Variants in SETD7 observed in about 807,000 individuals in gnomAD.
SETD7 encodes the protein SET domain containing 7, histone lysine methyltransferase.
Under a neutral mutation model 41.8 loss-of-function variants are expected in SETD7, and 16 were observed. That is an observed-to-expected ratio of 0.38 (90% CI 0.26 to 0.58). The LOEUF is 0.58. SETD7 is among the 20% of genes least tolerant of loss of function. The pLI is 0.64. For synonymous variants in SETD7, 163 were observed against 169.7 expected (o/e 0.96, Z 0.31); for missense variants, 346 against 459.7 (o/e 0.75, Z 2.26).
intron 2 of SETD7, among the ~76,000 whole-genome samples, chr4:139,537,266 C>A (rs1448728824): frequency 6.6e-6 from 1 of 152,138 alleles, no homozygotes; most frequent in Admixed American, 6.5e-5. Flanking sequence ...TGAGCCACCG[C>A]GCCTGGCTGC....
At chr4:139,533,965 CTATG>C (rs151148025) in intron 2 of SETD7, among the ~76,000 whole-genome samples, 2,708 of 148,518 alleles carry the variant, frequency 0.018, 87 homozygotes, top group African/African-American at 0.066. Flanking sequence ...ATCTATATAT[CTATG>C]TATGTATGTA....
chr4:139,533,309 G>GT lies in SETD7; in HGVS notation c.227dup (p.Tyr76Ter). Residue 76 changes from tyrosine (Y) to a stop codon, truncating the protein, a stop_gained and frameshift_variant, in exon 3 of 8, where the codon TAC becomes TAAC. Transcript: ENST00000274031. LOFTEE classifies it high-confidence loss of function. ...TGCCCTGGAGAACTCCCCCATCTTC[G>GT]TAAGTGTAAACTCCCTGGCCCTGCA... ...DALQGQGVYT[Y>*]EDGGVLQGTY... The GT allele has an allele frequency of 6.2e-7, 1 of 1,614,080 alleles. No homozygotes were observed. The highest frequency in any genetic ancestry group is 8.5e-7 in the Non-Finnish European group (1 of 1,180,010).
chr4:139,523,776 T>C (rs1727244179), intron 4 of SETD7, among the ~76,000 whole-genome samples: 1 of 152,200 alleles, frequency 6.6e-6, no homozygotes, highest in South Asian at 2.1e-4. Flanking sequence ...TGGATGATGG[T>C]TTTAAATTTT....
chr4:139,517,171 T>C (rs1266021875), intron 7 of SETD7, among the ~76,000 whole-genome samples: 3 of 152,142 alleles, frequency 2.0e-5, no homozygotes, highest in Non-Finnish European at 4.4e-5. Flanking sequence ...CCTTCTTTCT[T>C]TCACATCATA....
chr4:139,537,362 T>C (rs767553097), intron 2 of SETD7, among the ~76,000 whole-genome samples: 3 of 152,346 alleles, frequency 2.0e-5, no homozygotes, highest in Non-Finnish European at 2.9e-5. Flanking sequence ...AGTGGGTACA[T>C]AGAAATAGCC....
chr4:139,520,972 T>C (rs964550854), intron 5 of SETD7, among the ~76,000 whole-genome samples: 4 of 152,246 alleles, frequency 2.6e-5, no homozygotes, highest in Admixed American at 1.3e-4. Context: ...TAAAGTTTTA[T>C]TGGGACACAG....
chr4:139,513,916 C>G (rs936819915), intron 7 of SETD7, among the ~76,000 whole-genome samples: 21 of 152,240 alleles, frequency 1.4e-4, no homozygotes, highest in African/African-American at 5.1e-4. Flanking sequence ...AGCCTGTACT[C>G]CACCACAAAG....
downstream of SETD7, among the ~76,000 whole-genome samples, chr4:139,504,309 C>T (rs1726652393): frequency 6.6e-6 from 1 of 152,118 alleles, no homozygotes; most frequent in African/African-American, 2.4e-5. Context: ...TGTAAATAAA[C>T]AAAACTTAAG....
downstream of SETD7, among the ~76,000 whole-genome samples, chr4:139,501,862 C>T (rs542502317): frequency 2.6e-5 from 4 of 152,274 alleles, no homozygotes; most frequent in Admixed American, 2.0e-4. Flanking sequence ...AAGAGTCAGG[C>T]CAGGCTTCCT....
rs753430590 is a variant in SETD7, at chr4:139,511,737, C to T, written c.1027G>A (p.Gly343Arg). The T allele has an allele frequency of 1.1e-5, 18 of 1,613,844 alleles. No homozygotes were observed. Among genetic ancestry groups the T allele is most frequent in the South Asian group, 3.3e-5 (3 of 91,066 alleles). Residue 343 changes from glycine to arginine, a missense_variant, in exon 8 of 8, where the codon GGG becomes AGG. By Grantham distance (125) the Gly-to-Arg change is moderately radical (BLOSUM62 -2). Transcript: ENST00000274031. ...VAYGYDHSPP[G>R]KSGPEAPEWY... ...TCAGGGGCTTCAGGCCCACTCTTCC[C>T]GGGGGGGCTGTGGTCATAGCCATAG...
downstream of SETD7, among the ~76,000 whole-genome samples, chr4:139,493,150 C>T (rs1310807839): frequency 1.3e-5 from 2 of 152,288 alleles, no homozygotes; most frequent in East Asian, 3.9e-4. Context: ...CACAAAATAA[C>T]TGTGGATTAG....
At chr4:139,503,322 G>A (rs146571812), downstream of SETD7, among the ~76,000 whole-genome samples, 5 of 152,084 alleles carry the variant, frequency 3.3e-5, no homozygotes, top group African/African-American at 1.2e-4. Flanking sequence ...CTAAAGGTTG[G>A]CCTTAACCCC....
In SETD7 at chr4:139,533,150, A is replaced by C; in HGVS notation, c.372+15T>G. 1 of 1,602,296 alleles carries C rather than the reference A, an allele frequency of 6.2e-7. No individual in the cohort carries two copies. Among genetic ancestry groups the C allele is most frequent in the Non-Finnish European group, 8.6e-7 (1 of 1,169,212 alleles). On this transcript the variant is annotated intron_variant, in intron 3 of 7. Transcript: ENST00000274031. Reference sequence around the variant, plus strand: ...TATGTTACTTTCCAGCAGAGTGAACAGTCACACGGCTTACTGGGTAATATA... The same window carrying C: ...TATGTTACTTTCCAGCAGAGTGAACCGTCACACGGCTTACTGGGTAATATA...
chr4:139,511,457 G>A lies in SETD7; in HGVS notation c.*206C>T, dbSNP rs1726872811. ...AATGCTCGACAATACCTCTCAGTAG[G>A]ACGTTGTTGCAAGGCTAGCTAATTT... is the stretch of plus-strand genomic sequence containing the variant. On this transcript the variant is annotated 3_prime_UTR_variant, in exon 8 of 8. Coordinates refer to ENST00000274031, the MANE Select transcript of SETD7 (RefSeq NM_030648.4). 6.4e-6 allele frequency: 5 copies of A among 775,632 alleles called. No homozygotes were observed. The highest frequency in any genetic ancestry group is 9.8e-6 in the Non-Finnish European group (5 of 510,348). 48.0% of individuals were successfully genotyped at this position (775,632 alleles called of 1,614,324 possible). A position where few individuals can be genotyped will look rare whatever the true frequency, so the allele number is the denominator to read the frequency against.
intron 1 of SETD7, among the ~76,000 whole-genome samples, chr4:139,554,518 G>C (rs1246400210): frequency 6.6e-6 from 1 of 152,182 alleles, no homozygotes; most frequent in Non-Finnish European, 1.5e-5. Flanking sequence ...TCACAACATG[G>C]AGGCACAAGA....
chr4:139,542,779 A>C (rs1262859851), intron 2 of SETD7, among the ~76,000 whole-genome samples: 1 of 152,214 alleles, frequency 6.6e-6, no homozygotes, highest in East Asian at 1.9e-4. Context: ...TTGGTTTTAA[A>C]ATTTCACAGG....
At chr4:139,532,021 G>A (rs543711475) in intron 3 of SETD7, among the ~76,000 whole-genome samples, 12 of 152,320 alleles carry the variant, frequency 7.9e-5, no homozygotes, top group African/African-American at 2.4e-4. Flanking sequence ...TTGAACCCAC[G>A]AGGCAGAGGT....
At chr4:139,525,741 A>G (rs1375179867) in intron 4 of SETD7, among the ~76,000 whole-genome samples, 1 of 152,168 alleles carries the variant, frequency 6.6e-6, no homozygotes, top group Non-Finnish European at 1.5e-5. Flanking sequence ...ATTGGACGCT[A>G]CAGTCACAGG....
intron 2 of SETD7, among the ~76,000 whole-genome samples, chr4:139,534,597 G>A (rs1005037046): frequency 5.9e-5 from 9 of 151,996 alleles, no homozygotes; most frequent in Non-Finnish European, 7.4e-5. Context: ...GTCATGTTAC[G>A]TATGCTGGTC....
Sources: allele counts gnomAD v4.1 joint callset (sites outside exome capture counted in the v4.1 genomes callset), GRCh38; gene constraint gnomAD v4.1.1; transcripts MANE v1.5; gene names NCBI Gene and HGNC (gene_info 2026-07-23, HGNC 2026-07-21).